RIMS3: variants seen among roughly 807,000 people sequenced by gnomAD.
The protein encoded by RIMS3 is regulating synaptic membrane exocytosis protein 3.
A neutral mutation model predicts 29.2 loss-of-function variants in RIMS3; 15 were observed. The observed-to-expected ratio is 0.51, with a 90% CI of 0.34 to 0.79. The LOEUF (loss-of-function observed/expected upper bound fraction) is 0.79. Among genes scored for constraint, RIMS3 ranks in the 30% least tolerant of loss-of-function variants. The pLI is 0.01. For synonymous variants in RIMS3, 161 were observed against 170.1 expected (o/e 0.95, Z 0.41); for missense variants, 342 against 421.4 (o/e 0.81, Z 1.65).
rs1490550934 is a variant in RIMS3, at chr1:40,623,732, C to T, written c.*2785G>A. 2.6e-6 allele frequency: 1 copy of T among 388,022 alleles called. No homozygotes were observed. The highest frequency in any genetic ancestry group is 4.5e-5 in the Admixed American group (1 of 22,206). The allele number at this position is 388,022 out of a possible 1,614,324, so 24.0% of individuals were successfully genotyped here. A position where few individuals can be genotyped will look rare whatever the true frequency, so the allele number is the denominator to read the frequency against. On this transcript the variant is annotated 3_prime_UTR_variant, in exon 8 of 8. Coordinates refer to ENST00000372684, the MANE Select transcript of RIMS3 (RefSeq NM_014747.3). The stretch of plus-strand genomic sequence containing the variant: ...CAACCAGGAGTTACACTTGTGCATT[C>T]TCCTCTTCTGGGACAGGCTAGGTCC...
chr1:40,690,333 A>T, the RIMS3 span: 1 of 150,916 alleles, frequency 6.6e-6, no homozygotes, highest in Non-Finnish European at 1.5e-5. Context: ...ATTTTATGCC[A>T]TTTCTCATGT....
intron 1 of RIMS3, among the ~76,000 whole-genome samples, chr1:40,649,880 A>G (rs943675394): frequency 6.6e-6 from 1 of 152,162 alleles, no homozygotes; most frequent in African/African-American, 2.4e-5. Flanking sequence ...GGGTATGGTA[A>G]GGGATGGGTT....
At chr1:40,683,268 A>G in the RIMS3 span, among the ~76,000 whole-genome samples, 2 of 152,264 alleles carry the variant, frequency 1.3e-5, no homozygotes, top group Non-Finnish European at 2.9e-5. Flanking sequence ...ATGTCCCTCC[A>G]AAACTCAAGT....
chr1:40,646,267 T>TA (rs1289166205), intron 2 of RIMS3, among the ~76,000 whole-genome samples: 1 of 151,982 alleles, frequency 6.6e-6, no homozygotes, highest in African/African-American at 2.4e-5. Flanking sequence ...ATGCCAAAGT[T>TA]ACAGATAGGG....
chr1:40,687,005 CAA>C, the RIMS3 span, among the ~76,000 whole-genome samples: 2 of 142,644 alleles, frequency 1.4e-5, no homozygotes, highest in Non-Finnish European at 3.0e-5. Context: ...GGTGGCTCCT[CAA>C]AAAAAAAAAA....
chr1:40,629,379 G>GGAAGAAGAGGAC lies in RIMS3; in HGVS notation c.473-8_473-7insGTCCTCTTCTTC. 1 of 1,612,328 alleles carries GGAAGAAGAGGAC rather than the reference G, an allele frequency of 6.2e-7. No individual in the cohort carries two copies. The highest frequency in any genetic ancestry group is 8.5e-7 in the Non-Finnish European group (1 of 1,178,370). On this transcript the variant is annotated splice_region_variant and splice_polypyrimidine_tract_variant and intron_variant, in intron 5 of 7. Coordinates refer to ENST00000372684, the MANE Select transcript of RIMS3 (RefSeq NM_014747.3). ...ATGGCAATGTGCACATCTCCTGAAAGGAAGAAGAGGGTGAGTCCAGGCAGG... is the reference window on the plus strand; with the variant it reads ...ATGGCAATGTGCACATCTCCTGAAAGGAAGAAGAGGACGAAGAAGAGGGTGAGTCCAGGCAGG...
intron 2 of RIMS3, among the ~76,000 whole-genome samples, chr1:40,643,670 G>A (rs1646575565): frequency 6.6e-6 from 1 of 151,998 alleles, no homozygotes; most frequent in African/African-American, 2.4e-5. Flanking sequence ...GTAGTGACGG[G>A]GTTTCACCCT....
chr1:40,658,941 C>T (rs933478482), intron 1 of RIMS3, among the ~76,000 whole-genome samples: 4 of 152,018 alleles, frequency 2.6e-5, no homozygotes, highest in East Asian at 1.9e-4. Context: ...AGCTGGGAGC[C>T]GGAGGTACGC....
At chr1:40,660,545 T>G (rs946301993) in intron 1 of RIMS3, among the ~76,000 whole-genome samples, 1 of 151,816 alleles carries the variant, frequency 6.6e-6, no homozygotes, top group African/African-American at 2.4e-5. Context: ...GCCCAGCTAA[T>G]TTTTGTATTT....
chr1:40,639,029 A>G (rs1199985752), intron 3 of RIMS3, among the ~76,000 whole-genome samples: 1 of 152,174 alleles, frequency 6.6e-6, no homozygotes, highest in African/African-American at 2.4e-5. Context: ...CAGGCTAGAT[A>G]TTATGGGTCC....
In RIMS3 at chr1:40,636,654, G is replaced by A. The variant is rs1353613575; in HGVS notation, c.218-597C>T. On this transcript the variant is annotated intron_variant, in intron 3 of 7. Coordinates refer to ENST00000372684, the MANE Select transcript of RIMS3 (RefSeq NM_014747.3). The surrounding 1 kb of genome is among the most constrained non-coding windows in gnomAD (Gnocchi z 4.2). ...GAGGACGTGTGTGGAGAGCTGGAGA[G>A]GCCATTAGGAAAACAAGACAGAGAG... Among the ~76,000 whole-genome samples, 2 of 152,206 alleles carry A rather than the reference G, an allele frequency of 1.3e-5. No individual in the cohort carries two copies. The highest frequency in any genetic ancestry group is 3.9e-4 in the East Asian group (2 of 5,190).
intron 1 of RIMS3, among the ~76,000 whole-genome samples, chr1:40,655,171 G>A (rs767568550): frequency 3.3e-5 from 5 of 152,168 alleles, no homozygotes; most frequent in Non-Finnish European, 7.4e-5. Context: ...GGGGAAGAGG[G>A]ACCTATGAGA....
rs776456478 is a variant in RIMS3, at chr1:40,635,982, C to T, written c.293G>A (p.Arg98Gln). 6.2e-6 allele frequency: 10 copies of T among 1,610,894 alleles called. No individual in the cohort carries two copies. The highest frequency in any genetic ancestry group is 3.3e-5 in the Admixed American group (2 of 60,008). Residue 98 changes from arginine (R) to glutamine (Q), a missense_variant, in exon 4 of 8, where the codon CGG becomes CAG. By Grantham distance (43) the Arg-to-Gln change is conservative. Transcript: ENST00000372684. The surrounding 1 kb of genome is among the most constrained non-coding windows in gnomAD (Gnocchi z 4.1). The part of the protein sequence containing the change: ...ETGIAVEMRS[R>Q]VTRQGSREST... ...CTCCCGGCTGCCCTGGCGTGTGACC[C>T]GGCTCCGCATCTCCACCGCGATGCC... is the stretch of plus-strand genomic sequence containing the variant.
At chr1:40,629,231 T>G in intron 6 of RIMS3, 40 bp downstream of exon 6, 1 of 1,535,906 alleles carries the variant, frequency 6.5e-7, no homozygotes, top group Middle Eastern at 1.7e-4. Flanking sequence ...CTCGGCTCTA[T>G]GCCCCTCCCT....
upstream of RIMS3, among the ~76,000 whole-genome samples, chr1:40,670,526 TAGAAC>T (rs1253585952): frequency 1.4e-5 from 2 of 143,668 alleles, no homozygotes; most frequent in African/African-American, 5.2e-5. Flanking sequence ...GTAAAGTTCT[TAGAAC>T]AGACCTTAGG....
chr1:40,629,426 G>A, intron 5 of RIMS3, 54 bp from the exon 6 acceptor site: 1 of 1,399,742 alleles, frequency 7.1e-7, no homozygotes, highest in Non-Finnish European at 1.0e-6. Context: ...GGGCAGGCCA[G>A]CCAGCTGCTG....
the RIMS3 span, among the ~76,000 whole-genome samples, chr1:40,682,676 C>T: frequency 6.6e-6 from 1 of 150,822 alleles, no homozygotes; most frequent in Non-Finnish European, 1.5e-5. Flanking sequence ...TAATACTTCT[C>T]TGTCTTAATT....
the RIMS3 span, among the ~76,000 whole-genome samples, chr1:40,688,294 C>G: frequency 6.6e-6 from 1 of 152,106 alleles, no homozygotes; most frequent in Non-Finnish European, 1.5e-5. Flanking sequence ...CAAAGGTACA[C>G]AATGAGATAG....
Position 40,621,786 on chromosome 1 carries a change from C to G in RIMS3, c.*4731G>C, listed in dbSNP as rs1646422131. ...CTCAGTTGCCCCTGGAATTCCCAAG[C>G]CCCATTCTGTTAGCCAAGCTGACTG... On this transcript the variant is annotated 3_prime_UTR_variant, in exon 8 of 8. Coordinates refer to ENST00000372684, the MANE Select transcript of RIMS3 (RefSeq NM_014747.3). 6.6e-6 allele frequency: 1 copy of G among 152,330 alleles called. No homozygotes were observed. The highest frequency in any genetic ancestry group is 6.5e-5 in the Admixed American group (1 of 15,284). The allele number at this position is 152,330 out of a possible 1,614,324, so 9.4% of individuals were successfully genotyped here.
Sources: allele counts gnomAD v4.1 joint callset (sites outside exome capture counted in the v4.1 genomes callset), GRCh38; gene constraint gnomAD v4.1.1; non-coding constraint Gnocchi (gnomAD v3.1); transcripts MANE v1.5; gene names NCBI Gene and HGNC (gene_info 2026-07-23, HGNC 2026-07-21).